Variants in AFF2 observed in about 807,000 individuals in gnomAD.
The protein encoded by AFF2 is AF4/FMR2 family member 2.
A neutral mutation model predicts 76.9 loss-of-function variants in AFF2; 14 were observed. That is an observed-to-expected ratio of 0.18 (90% CI 0.12 to 0.28). The LOEUF (loss-of-function observed/expected upper bound fraction) is 0.28, where lower values mean the gene tolerates loss of function less well. AFF2 is among the 10% of genes least tolerant of loss of function. The pLI, the probability that AFF2 is intolerant of heterozygous loss-of-function variation, is 1.00. For missense variants in AFF2, 868 were observed against 1,001.1 expected, an observed-to-expected ratio of 0.87 and a Z score of 1.79; for synonymous variants, 398 against 366.7, an observed-to-expected ratio of 1.09 and a Z score of -0.98.
chrX:148,777,692 C>T (rs781910900), intron 3 of AFF2, among the ~76,000 whole-genome samples: 8 of 112,271 alleles, frequency 7.1e-5, no homozygotes, highest in African/African-American at 9.7e-5. Flanking sequence ...GATTTTCACA[C>T]ATCGATTTTG....
In AFF2 at chrX:148,717,258, C is replaced by A. The variant is rs190452418; in HGVS notation, c.1041+54490C>A. Among the ~76,000 whole-genome samples, 3 of 112,039 alleles carry A rather than the reference C, an allele frequency of 2.7e-5. No individual in the cohort carries two copies. In the East Asian group the frequency reaches 8.5e-4, roughly 32 times the overall value. On this transcript the variant is annotated intron_variant, in intron 3 of 20. Transcript: ENST00000370460. Reference sequence around the variant, plus strand: ...TAAATGAATGAAGTACGAATACATACCACAACATAGATGAACCATAACAAC... The same window carrying A: ...TAAATGAATGAAGTACGAATACATAACACAACATAGATGAACCATAACAAC...
At chrX:148,697,137 A>T (rs1276667718) in intron 3 of AFF2, among the ~76,000 whole-genome samples, 1 of 112,440 alleles carries the variant, frequency 8.9e-6, no homozygotes, top group Non-Finnish European at 1.9e-5. Context: ...TTCCTACTCC[A>T]CTTTCAGGAA....
At chrX:148,951,913 G>A (rs57235398) in intron 9 of AFF2, among the ~76,000 whole-genome samples, 1,434 of 111,660 alleles carry the variant, frequency 0.013, 22 homozygotes, top group African/African-American at 0.044. Context: ...ACTTGACAGA[G>A]AAATGTACTT....
At chrX:148,713,969 A>C (rs1378931823) in intron 3 of AFF2, among the ~76,000 whole-genome samples, 3 of 112,002 alleles carry the variant, frequency 2.7e-5, no homozygotes, top group Non-Finnish European at 5.6e-5. Context: ...GACCAGATGC[A>C]TAGAAGCATG....
At chrX:148,816,691 T>G (rs2070268667) in intron 4 of AFF2, among the ~76,000 whole-genome samples, 1 of 110,765 alleles carries the variant, frequency 9.0e-6, no homozygotes, top group Non-Finnish European at 1.9e-5. Context: ...TCCATATTTG[T>G]GGAAGGCACT....
intron 1 of AFF2, among the ~76,000 whole-genome samples, chrX:148,620,731 C>T (rs2053859198): frequency 9.0e-6 from 1 of 110,968 alleles, no homozygotes. Context: ...TTTATTTTTC[C>T]TCTAGGAGAT....
chrX:148,765,133 G>T (rs1232159744), intron 3 of AFF2, among the ~76,000 whole-genome samples: 5 of 111,905 alleles, frequency 4.5e-5, no homozygotes, highest in African/African-American at 1.3e-4. Flanking sequence ...CGATCCTCAC[G>T]CCTCGACCTC....
chrX:148,885,254 A>C (rs781818069), intron 7 of AFF2, among the ~76,000 whole-genome samples: 2 of 111,916 alleles, frequency 1.8e-5, no homozygotes, highest in East Asian at 5.7e-4. Context: ...GCCTTGCCTT[A>C]GGAGAGAAAG....
At chrX:148,882,631 T>C (rs1183292302) in intron 7 of AFF2, among the ~76,000 whole-genome samples, 1 of 112,019 alleles carries the variant, frequency 8.9e-6, no homozygotes, top group Non-Finnish European at 1.9e-5. Flanking sequence ...TATGGAATTA[T>C]AACCTCATGA....
chrX:148,700,470 C>T (rs1251569512), intron 3 of AFF2, among the ~76,000 whole-genome samples: 2 of 84,396 alleles, frequency 2.4e-5, no homozygotes, highest in Admixed American at 1.6e-4. Flanking sequence ...GTGGTGATTG[C>T]GGGGGGATTC....
chrX:148,506,180 A>G (rs1009567014), intron 1 of AFF2, among the ~76,000 whole-genome samples: 1 of 111,693 alleles, frequency 9.0e-6, no homozygotes, highest in African/African-American at 3.3e-5. Context: ...TCAGTGATGC[A>G]ATCCAGGTTT....
At chrX:148,674,648 C>T (rs2054462327) in intron 3 of AFF2, among the ~76,000 whole-genome samples, 1 of 112,049 alleles carries the variant, frequency 8.9e-6, no homozygotes, top group African/African-American at 3.3e-5. Flanking sequence ...TTACCTTTTG[C>T]TTCCTTAGAA....
chrX:148,900,481 C>A (rs2071342430), intron 8 of AFF2, among the ~76,000 whole-genome samples: 2 of 111,762 alleles, frequency 1.8e-5, no homozygotes, highest in African/African-American at 6.5e-5. Context: ...AGAGAGGAGT[C>A]ACCTCAGAAA....
intron 3 of AFF2, among the ~76,000 whole-genome samples, chrX:148,748,542 G>A (rs1294804042): frequency 9.0e-6 from 1 of 111,548 alleles, no homozygotes; most frequent in African/African-American, 3.3e-5. Context: ...ATGAGTGTCA[G>A]CCCATAAAAG....
At chrX:148,749,834 C>T (rs1557266359) in intron 3 of AFF2, among the ~76,000 whole-genome samples, 3 of 111,695 alleles carry the variant, frequency 2.7e-5, no homozygotes, top group South Asian at 3.8e-4. Context: ...ACAATTAAGA[C>T]ATTGGTGAGA....
chrX:148,587,062 T>C (rs1472525773), intron 1 of AFF2, among the ~76,000 whole-genome samples: 5 of 111,770 alleles, frequency 4.5e-5, no homozygotes, highest in African/African-American at 1.6e-4. Flanking sequence ...GAGGTAAAAG[T>C]GTTCCTTGCT....
chrX:148,872,335 T>G (rs1298948154), intron 7 of AFF2, among the ~76,000 whole-genome samples: 2 of 111,687 alleles, frequency 1.8e-5, no homozygotes, highest in Non-Finnish European at 3.8e-5. Context: ...TCTACAGATT[T>G]GCCTGTTTTA....
chrX:148,714,705 C>T (rs1311276023), intron 3 of AFF2, among the ~76,000 whole-genome samples: 2 of 111,683 alleles, frequency 1.8e-5, no homozygotes, highest in East Asian at 5.7e-4. Context: ...TAGTCTCCTT[C>T]CTCCTAAGAT....
intron 1 of AFF2, among the ~76,000 whole-genome samples, chrX:148,512,848 C>G (rs1175223146): frequency 8.9e-6 from 1 of 111,969 alleles, no homozygotes; most frequent in Non-Finnish European, 1.9e-5. Flanking sequence ...TAGTTTATTC[C>G]TATCCTAAAC....
Sources: allele counts gnomAD v4.1 joint callset (sites outside exome capture counted in the v4.1 genomes callset), GRCh38; gene constraint gnomAD v4.1.1; transcripts MANE v1.5; gene names NCBI Gene and HGNC (gene_info 2026-07-23, HGNC 2026-07-21).